Variants in ATF7IP observed in about 807,000 individuals in gnomAD.
The protein encoded by ATF7IP is activating transcription factor 7 interacting protein.
Under a neutral mutation model 106.4 loss-of-function variants are expected in ATF7IP, and 23 were observed. That is an observed-to-expected ratio of 0.22 (90% confidence interval 0.16 to 0.31). The LOEUF (loss-of-function observed/expected upper bound fraction) is 0.31, where lower values mean the gene tolerates loss of function less well. ATF7IP is among the 10% of genes least tolerant of loss of function. ATF7IP has a pLI of 1.00. For missense variants in ATF7IP, 1,334 were observed against 1,524.3 expected (o/e 0.88, Z 2.08); for synonymous variants, 542 against 539.0 (o/e 1.01, Z -0.08).
In ATF7IP at chr12:14,449,575, G is replaced by A. The variant is rs560461870; in HGVS notation, c.1995+2522G>A. 3.2e-4 allele frequency among the ~76,000 whole-genome samples: 36 copies of A among 111,854 alleles called. No individual in the cohort carries two copies. In the East Asian group the frequency reaches 7.5e-3, roughly 23 times the overall value. The allele number at this position is 111,854 out of a possible 152,430, so 73.4% of individuals were successfully genotyped here. The stretch of plus-strand genomic sequence containing the variant: ...ATTTTGTGTGGTTCCCCCACCCCCC[G>A]CCCCCTTGGCTAACTTAGCCTAATA... On this transcript the variant is annotated intron_variant, in intron 6 of 14. Transcript: ENST00000261168.
intron 9 of ATF7IP, among the ~76,000 whole-genome samples, chr12:14,465,259 T>C (rs1335153948): frequency 6.6e-6 from 1 of 151,902 alleles, no homozygotes; most frequent in Non-Finnish European, 1.5e-5. Flanking sequence ...AAAATAAAAA[T>C]ATAAAAGTGA....
intron 8 of ATF7IP, among the ~76,000 whole-genome samples, chr12:14,458,696 A>G (rs570135320): frequency 1.0e-3 from 156 of 152,164 alleles, no homozygotes; most frequent in African/African-American, 3.6e-3. Context: ...GGTGGTGCAC[A>G]ACTGTGGTCC....
At chr12:14,457,175 A>G (rs371362965) in intron 7 of ATF7IP, 32 bp from the exon 8 acceptor site, 23 of 1,545,144 alleles carry the variant, frequency 1.5e-5, no homozygotes, top group Admixed American at 5.2e-5. Context: ...TGGCATATCT[A>G]TTGACTATTG....
At chr12:14,381,701 T>C (rs2136412403) in intron 1 of ATF7IP, among the ~76,000 whole-genome samples, 1 of 152,266 alleles carries the variant, frequency 6.6e-6, no homozygotes, top group African/African-American at 2.4e-5. Flanking sequence ...TAATAATAAC[T>C]TACAATTAGA....
intron 5 of ATF7IP, 110 bp downstream of exon 5, chr12:14,438,377 AAGAAGGAAAAGGAG>A: frequency 2.8e-6 from 3 of 1,081,812 alleles, no homozygotes; most frequent in Non-Finnish European, 3.9e-6. Flanking sequence ...TTCTAAATGT[AAGAAGGAAAAGGAG>A]TTTGTTTAGT....
chr12:14,486,357 C>G (rs1443771331), intron 13 of ATF7IP, among the ~76,000 whole-genome samples: 1 of 152,168 alleles, frequency 6.6e-6, no homozygotes, highest in Non-Finnish European at 1.5e-5. Context: ...CACAGTTACC[C>G]TGGTAAAAGG....
intron 9 of ATF7IP, among the ~76,000 whole-genome samples, chr12:14,462,536 C>A (rs1943681868): frequency 6.6e-6 from 1 of 151,868 alleles, no homozygotes; most frequent in Non-Finnish European, 1.5e-5. Context: ...AGAACTTTTC[C>A]TGAAAAACCA....
At chr12:14,426,850 A>AAAAAAAAAAAAT (rs1565502014) in intron 2 of ATF7IP, among the ~76,000 whole-genome samples, 1 of 49,254 alleles carries the variant, frequency 2.0e-5, no homozygotes, top group Admixed American at 3.0e-4. Context: ...AAAAAAAAAA[A>AAAAAAAAAAAAT]GGATGGCTTT....
intron 9 of ATF7IP, among the ~76,000 whole-genome samples, chr12:14,462,568 T>C (rs1282427149): frequency 6.6e-6 from 1 of 151,978 alleles, no homozygotes; most frequent in Non-Finnish European, 1.5e-5. Flanking sequence ...ATTTTAAGAG[T>C]ATTTTGTTTA....
intron 13 of ATF7IP, among the ~76,000 whole-genome samples, chr12:14,491,760 TAGG>T (rs1287803068): frequency 2.0e-5 from 3 of 152,316 alleles, no homozygotes; most frequent in African/African-American, 7.2e-5. Flanking sequence ...CACCAGGTAC[TAGG>T]AGATGTGTTA....
At chr12:14,402,969 G>A (rs994726809) in intron 1 of ATF7IP, among the ~76,000 whole-genome samples, 5 of 152,006 alleles carry the variant, frequency 3.3e-5, no homozygotes, top group Admixed American at 6.6e-5. Flanking sequence ...TTTTCACAAC[G>A]TATTGGATAT....
At chr12:14,382,645 G>A (rs1195648112) in intron 1 of ATF7IP, among the ~76,000 whole-genome samples, 1 of 152,132 alleles carries the variant, frequency 6.6e-6, no homozygotes, top group Non-Finnish European at 1.5e-5. Flanking sequence ...AAAAATGAAG[G>A]TTCTTTTGAG....
intron 7 of ATF7IP, among the ~76,000 whole-genome samples, chr12:14,456,993 C>A (rs1204292327): frequency 6.6e-6 from 1 of 152,138 alleles, no homozygotes; most frequent in African/African-American, 2.4e-5. Flanking sequence ...CATTAGAATA[C>A]AAGAGTTAAG....
intron 13 of ATF7IP, among the ~76,000 whole-genome samples, chr12:14,483,088 A>T (rs112731443): frequency 2.0e-5 from 3 of 152,206 alleles, no homozygotes; most frequent in African/African-American, 7.2e-5. Context: ...TGAGTTGGCA[A>T]CTGGTCACAT....
chr12:14,381,874 T>TC (rs1172978446), intron 1 of ATF7IP, among the ~76,000 whole-genome samples: 2 of 151,534 alleles, frequency 1.3e-5, no homozygotes, highest in African/African-American at 4.8e-5. Flanking sequence ...CTAGTTTTTT[T>TC]TTTTCTTTCT....
rs1359355562 is a variant in ATF7IP at position 14,404,772 on chromosome 12, GAGA to G, written c.-7-19136_-7-19134del. ...ACAACTTACATGAACAGGTTTAGTT[GAGA>G]GCAGAAGACCATGGGTATCAGTCAA... On this transcript the variant is annotated intron_variant, in intron 1 of 14. Transcript: ENST00000261168. 2.6e-5 allele frequency among the ~76,000 whole-genome samples: 4 copies of G among 152,106 alleles called. No homozygotes were observed. The East Asian group carries it at 7.7e-4, about 29-fold the overall frequency.
At chr12:14,447,092 C>T (rs948930281) in intron 6 of ATF7IP, 39 bp downstream of exon 6, 6 of 1,444,488 alleles carry the variant, frequency 4.2e-6, no homozygotes, top group Non-Finnish European at 5.7e-6. Context: ...ATATTTAGCA[C>T]TAAGTGGTAA....
At chr12:14,425,989 TA>T (rs1040112478) in intron 2 of ATF7IP, among the ~76,000 whole-genome samples, 1 of 152,212 alleles carries the variant, frequency 6.6e-6, no homozygotes, top group Non-Finnish European at 1.5e-5. Flanking sequence ...ATCCATTTGA[TA>T]AAGACTTTAC....
At chr12:14,461,610 T>C (rs994624211) in intron 9 of ATF7IP, among the ~76,000 whole-genome samples, 4 of 152,224 alleles carry the variant, frequency 2.6e-5, no homozygotes, top group Non-Finnish European at 4.4e-5. Context: ...TCACATTTGC[T>C]ATAAAATGTT....
Sources: gnomAD v4.1 joint callset for allele counts (sites outside exome capture counted in the v4.1 genomes callset) on GRCh38, gnomAD v4.1.1 for gene constraint, MANE v1.5 for transcripts, NCBI Gene and HGNC (gene_info 2026-07-23, HGNC 2026-07-21) for gene names.